SOX5: variants seen among roughly 807,000 people sequenced by gnomAD.
SOX5 encodes the protein SRY-box transcription factor 5.
Under a neutral mutation model 92.0 loss-of-function variants are expected in SOX5, and 9 were observed. That is an observed-to-expected ratio of 0.10 (90% CI 0.06 to 0.17). The LOEUF (loss-of-function observed/expected upper bound fraction) is 0.17, where lower values mean the gene tolerates loss of function less well. Among genes scored for constraint, SOX5 ranks in the 10% least tolerant of loss-of-function variants. The pLI is 1.00. For synonymous variants in SOX5, 344 were observed against 336.3 expected (o/e 1.02, Z -0.25); for missense variants, 642 against 944.5 (o/e 0.68, Z 4.20).
At chr12:24,346,783 G>A (rs886152504) in intron 2 of SOX5, among the ~76,000 whole-genome samples, 1 of 151,868 alleles carries the variant, frequency 6.6e-6, no homozygotes, top group Non-Finnish European at 1.5e-5. Flanking sequence ...GTAAAAATTT[G>A]TGGTGTACAC....
chr12:23,713,367 A>G (rs1248454445), intron 6 of SOX5, among the ~76,000 whole-genome samples: 1 of 152,124 alleles, frequency 6.6e-6, no homozygotes, highest in East Asian at 1.9e-4. Context: ...TAAGCCACCA[A>G]GTTTGTGGGT....
chr12:23,560,150 C>T (rs1167485209), intron 11 of SOX5, among the ~76,000 whole-genome samples: 3 of 151,946 alleles, frequency 2.0e-5, no homozygotes, highest in Non-Finnish European at 4.4e-5. Context: ...ACCTCGTGAT[C>T]CCCCCGCCTC....
At position 24,059,800 on chromosome 12, in the gene SOX5, A is replaced by T. The variant is rs143622333; in HGVS notation, c.-2+153543T>A. On this transcript the variant is annotated intron_variant, in intron 4 of 4. Coordinates refer to the SOX5 transcript ENST00000446891. ...TATAAAAAACAAATGAAACCCAAAC[A>T]TATTTACTGAATACATCGTTAATGG... is the stretch of plus-strand genomic sequence containing the variant. Among the ~76,000 whole-genome samples the T allele has an allele frequency of 3.2e-4, 49 of 152,298 alleles. No homozygotes were observed. The East Asian group carries it at 8.3e-3, about 26-fold the overall frequency.
At chr12:24,083,356 G>A (rs1010229979) in intron 4 of SOX5, among the ~76,000 whole-genome samples, 3 of 151,932 alleles carry the variant, frequency 2.0e-5, no homozygotes, top group African/African-American at 7.2e-5. Context: ...AACATGTACT[G>A]AGCACCAACT....
At chr12:24,191,285 T>C (rs1170086255) in intron 4 of SOX5, among the ~76,000 whole-genome samples, 2 of 152,222 alleles carry the variant, frequency 1.3e-5, no homozygotes, top group Non-Finnish European at 2.9e-5. Flanking sequence ...TGTCAATAAC[T>C]TAATTTTAGT....
At chr12:24,216,791 G>A (rs939588508) in intron 3 of SOX5, among the ~76,000 whole-genome samples, 1 of 152,086 alleles carries the variant, frequency 6.6e-6, no homozygotes, top group African/African-American at 2.4e-5. Flanking sequence ...AGCTGGGCAG[G>A]GTGGTGCACG....
At chr12:24,481,307 G>A (rs1433318526) in intron 1 of SOX5, among the ~76,000 whole-genome samples, 2 of 151,908 alleles carry the variant, frequency 1.3e-5, no homozygotes, top group East Asian at 1.9e-4. Flanking sequence ...ATGGTTAATG[G>A]GTACAAGGAA....
At chr12:23,693,257 G>A (rs1278357268) in intron 6 of SOX5, among the ~76,000 whole-genome samples, 2 of 152,036 alleles carry the variant, frequency 1.3e-5, no homozygotes, top group Non-Finnish European at 2.9e-5. Context: ...TCAAGTAGCT[G>A]GGATTACAAG....
At chr12:23,603,447 T>TATATATATATATATATATAA (rs1555193707) in intron 9 of SOX5, among the ~76,000 whole-genome samples, 1 of 70,694 alleles carries the variant, frequency 1.4e-5, no homozygotes, top group Non-Finnish European at 2.6e-5. Context: ...ATATATAAAA[T>TATATATATATATATATATAA]ATATATATAT....
At chr12:23,961,740 ATT>A (rs1946964029) in intron 4 of SOX5, among the ~76,000 whole-genome samples, 1 of 152,198 alleles carries the variant, frequency 6.6e-6, no homozygotes, top group Admixed American at 6.5e-5. Flanking sequence ...ATTTCACAGC[ATT>A]GTATGTAGTA....
intron 2 of SOX5, among the ~76,000 whole-genome samples, chr12:24,302,768 A>G (rs1490808059): frequency 1.3e-5 from 2 of 152,164 alleles, no homozygotes; most frequent in African/African-American, 4.8e-5. Context: ...TGTTGCCCAG[A>G]ATCAGTCTCC....
rs535594198 is a variant in SOX5 at position 24,081,766 on chromosome 12, G to C, written c.-2+131577C>G. Among the ~76,000 whole-genome samples, 7 of 151,998 alleles carry C rather than the reference G, an allele frequency of 4.6e-5. No individual in the cohort carries two copies. In the East Asian group the frequency reaches 1.4e-3, roughly 29 times the overall value. ...TGCTTTCAAGGGTCTCTACTGTACC[G>C]AATTGAGGTCACTGCAAGACAATGC... On this transcript the variant is annotated intron_variant, in intron 4 of 4. Transcript: ENST00000446891.
intron 1 of SOX5, among the ~76,000 whole-genome samples, chr12:24,557,490 T>C (rs11047498): frequency 0.43 from 65,345 of 151,674 alleles, 17,494 homozygotes; most frequent in Non-Finnish European, 0.62. Flanking sequence ...CTAAATAACG[T>C]TTTGGATGAA....
intron 3 of SOX5, among the ~76,000 whole-genome samples, chr12:24,221,671 T>C (rs1422686216): frequency 6.6e-6 from 1 of 152,182 alleles, no homozygotes; most frequent in Non-Finnish European, 1.5e-5. Flanking sequence ...GACAAAAATC[T>C]CTCATGCAGC....
At position 23,913,565 on chromosome 12, in the gene SOX5, G is replaced by T. The variant is rs569136066; in HGVS notation, c.39-17541C>A. Among the ~76,000 whole-genome samples, 8 of 151,736 alleles carry T rather than the reference G, an allele frequency of 5.3e-5. No individual in the cohort carries two copies. In the East Asian group the frequency reaches 1.6e-3, roughly 30 times the overall value. Reference sequence around the variant, plus strand: ...AGCCTGGCCAACATGGTGAAACCCCGTCTCTACTAAAAATACAAAAATTAG... The same window carrying T: ...AGCCTGGCCAACATGGTGAAACCCCTTCTCTACTAAAAATACAAAAATTAG... On this transcript the variant is annotated intron_variant, in intron 1 of 14. Transcript: ENST00000451604.
chr12:24,023,328 T>C (rs1158590683), intron 4 of SOX5, among the ~76,000 whole-genome samples: 1 of 152,114 alleles, frequency 6.6e-6, no homozygotes, highest in East Asian at 1.9e-4. Context: ...AAACCAGTAT[T>C]ACTTGATCTG....
At chr12:23,751,572 C>T (rs1199937824) in intron 4 of SOX5, among the ~76,000 whole-genome samples, 1 of 151,852 alleles carries the variant, frequency 6.6e-6, no homozygotes, top group Admixed American at 6.6e-5. Context: ...TATACATCTT[C>T]TATCTCAAAC....
In SOX5 at chr12:24,266,094, G is replaced by T. The variant is rs560540322; in HGVS notation, c.-77+11122C>A. On this transcript the variant is annotated intron_variant, in intron 3 of 4. Transcript: ENST00000446891. ...TGTGTGTGTGTGTGTGTTTTATTTT[G>T]GTGGAGATGGGGTTTCACCATGTTG... Among the ~76,000 whole-genome samples the T allele has an allele frequency of 2.7e-5, 4 of 148,352 alleles. No individual in the cohort carries two copies. In the East Asian group the frequency reaches 7.9e-4, roughly 29 times the overall value.
intron 1 of SOX5, among the ~76,000 whole-genome samples, chr12:24,548,412 TG>T (rs920925385): frequency 6.6e-6 from 1 of 152,216 alleles, no homozygotes; most frequent in African/African-American, 2.4e-5. Flanking sequence ...AATTAAGGGA[TG>T]GGCAGGATTT....
Sources: gnomAD v4.1 joint callset for allele counts (sites outside exome capture counted in the v4.1 genomes callset) on GRCh38, gnomAD v4.1.1 for gene constraint, MANE v1.5 for transcripts, NCBI Gene and HGNC (gene_info 2026-07-23, HGNC 2026-07-21) for gene names.